MINPP1: variants seen among roughly 807,000 people sequenced by gnomAD.
MINPP1 encodes the protein multiple inositol polyphosphate phosphatase 1.
In MINPP1, 28 loss-of-function variants were observed where a neutral mutation model predicts 46.1. The ratio of observed to expected loss-of-function variants is 0.61; its 90% CI spans 0.45 to 0.83. MINPP1 has a LOEUF of 0.83. Ranked by LOEUF, MINPP1 falls within the 40% of genes least tolerant of loss-of-function variation. The pLI is 0.00. For synonymous variants in MINPP1, 268 were observed against 249.1 expected, an observed-to-expected ratio of 1.08 and a Z score of -0.72; for missense variants, 603 against 610.0, an observed-to-expected ratio of 0.99 and a Z score of 0.12.
intron 4 of MINPP1, among the ~76,000 whole-genome samples, chr10:87,549,158 G>A (rs977991205): frequency 6.6e-6 from 1 of 152,116 alleles, no homozygotes; most frequent in Non-Finnish European, 1.5e-5. Flanking sequence ...AGTAAAAAAA[G>A]GGGGGAAGGT....
intron 3 of MINPP1, among the ~76,000 whole-genome samples, chr10:87,517,213 C>T (rs1851423942): frequency 6.6e-6 from 1 of 152,078 alleles, no homozygotes; most frequent in South Asian, 2.1e-4. Context: ...ACTTAGAAGG[C>T]AGGGATTTGA....
In MINPP1 at chr10:87,534,573, G is replaced by C. The variant is rs547082089; in HGVS notation, c.1067+13404G>C. On this transcript the variant is annotated intron_variant, in intron 4 of 4. Coordinates refer to ENST00000371996, the MANE Select transcript of MINPP1 (RefSeq NM_004897.5). ...AACTATTCTTGTTGAATTGTATCCAGTTTTGTAAGAATCACTCTTAAATCT... is the reference window on the plus strand; with the variant it reads ...AACTATTCTTGTTGAATTGTATCCACTTTTGTAAGAATCACTCTTAAATCT... 9.9e-5 allele frequency among the ~76,000 whole-genome samples: 15 copies of C among 152,104 alleles called. No individual in the cohort carries two copies. The South Asian group carries it at 3.1e-3, about 32-fold the overall frequency.
At chr10:87,541,284 G>T (rs1468014294) in intron 4 of MINPP1, among the ~76,000 whole-genome samples, 1 of 152,230 alleles carries the variant, frequency 6.6e-6, no homozygotes, top group East Asian at 1.9e-4. Flanking sequence ...TTTGCCAGTT[G>T]AGTTTCAAAC....
intron 4 of MINPP1, among the ~76,000 whole-genome samples, chr10:87,524,279 A>G (rs575828346): frequency 2.0e-5 from 3 of 152,174 alleles, no homozygotes; most frequent in South Asian, 2.1e-4. Flanking sequence ...CTTAAACCCC[A>G]TGAGCTAACC....
At chr10:87,522,544 TATA>T (rs1178253589) in intron 4 of MINPP1, among the ~76,000 whole-genome samples, 1 of 152,198 alleles carries the variant, frequency 6.6e-6, no homozygotes, top group East Asian at 1.9e-4. Context: ...ATGTTTATAC[TATA>T]ATAAGTGTGC....
At chr10:87,513,987 G>A (rs1057237391) in intron 3 of MINPP1, among the ~76,000 whole-genome samples, 2 of 151,984 alleles carry the variant, frequency 1.3e-5, no homozygotes, top group African/African-American at 4.8e-5. Flanking sequence ...CTTCTGACGG[G>A]TACATCTCCA....
chr10:87,548,358 GTGCCTGGCACTTGGCA>G (rs1851917813), intron 4 of MINPP1, among the ~76,000 whole-genome samples: 1 of 151,994 alleles, frequency 6.6e-6, no homozygotes, highest in Admixed American at 6.6e-5. Flanking sequence ...AACTAGCATG[GTGCCTGGCACTTGGCA>G]TGAAATGACA....
intron 4 of MINPP1, among the ~76,000 whole-genome samples, chr10:87,551,169 A>C (rs957982422): frequency 6.6e-6 from 1 of 151,916 alleles, no homozygotes; most frequent in East Asian, 1.9e-4. Flanking sequence ...TGGATTTGCT[A>C]TCTGCTTGCT....
chr10:87,518,435 T>C (rs938967030), intron 3 of MINPP1, among the ~76,000 whole-genome samples: 2 of 152,174 alleles, frequency 1.3e-5, no homozygotes, highest in African/African-American at 4.8e-5. Flanking sequence ...AACTTCTTGA[T>C]TTCATTGCCT....
At position 87,504,927 on chromosome 10, in the gene MINPP1, G is replaced by A. The variant is rs1359317923; in HGVS notation, c.12G>A (p.Ala4=). ...TGACCGTCCCGACGATGCTACGCGC[G>A]CCCGGCTGCCTCCTCCGGACCTCCG... MLR[A]PGCLLRTSVA... The change falls in exon 1 of 5, where the codon GCG becomes GCA. Residue 4 remains alanine (A), a synonymous_variant. Transcript: ENST00000371996. The A allele has an allele frequency of 6.2e-7, 1 of 1,610,566 alleles. No homozygotes were observed. The highest frequency in any genetic ancestry group is 1.3e-5 in the African/African-American group (1 of 75,016).
intron 4 of MINPP1, among the ~76,000 whole-genome samples, chr10:87,550,098 A>G (rs1851941980): frequency 6.6e-6 from 1 of 152,172 alleles, no homozygotes; most frequent in African/African-American, 2.4e-5. Flanking sequence ...TGTTTAGCTG[A>G]TTATGGTCTT....
chr10:87,537,766 T>C (rs1213372234), intron 4 of MINPP1, among the ~76,000 whole-genome samples: 1 of 151,870 alleles, frequency 6.6e-6, no homozygotes, highest in Admixed American at 6.6e-5. Flanking sequence ...TGTGTTAGCT[T>C]TGGGAATTTT....
Position 87,505,012 on chromosome 10 carries a change from C to G in MINPP1, c.97C>G (p.Leu33Val). 1.2e-6 allele frequency: 2 copies of G among 1,613,016 alleles called. No homozygotes were observed. Among genetic ancestry groups the G allele is most frequent in the Non-Finnish European group, 1.7e-6 (2 of 1,179,868 alleles). Residue 33 changes from leucine (L) to valine (V), a missense_variant, in exon 1 of 5, where the codon CTA (leucine) becomes GTA (valine). Leu to Val is a conservative substitution (Grantham distance 32, BLOSUM62 1). Transcript: ENST00000371996. This position sits in a 1 kb window ranked among gnomAD's most constrained non-coding sequence, Gnocchi z 4.4. ...CTCGTCGCTTGCGCGCTGCTCTCTT[C>G]TAGAGCCGAGGGACCCGGTGGCCTC... ...LLSSLARCSL[L>V]EPRDPVASSL...
chr10:87,505,123 G>A lies in MINPP1; in HGVS notation c.208G>A (p.Asp70Asn), dbSNP rs376159805. 4.2e-5 allele frequency: 68 copies of A among 1,612,626 alleles called. No homozygotes were observed. The highest frequency in any genetic ancestry group is 1.2e-4 in the South Asian group (11 of 90,890). ...GTCGGGCCCCGAGGCTCCGTGGCGG[G>A]ACCCTGAGCTGCTGGAGGGGACCTG... is the stretch of plus-strand genomic sequence containing the variant. Reference protein sequence around the residue: ...LLSGPEAPWRDPELLEGTCTP... With the variant: ...LLSGPEAPWRNPELLEGTCTP... Residue 70 changes from aspartate (D) to asparagine (N), a missense_variant, in exon 1 of 5, where the codon GAC becomes AAC. By Grantham distance (23) the Asp-to-Asn change is conservative (BLOSUM62 1). Coordinates refer to ENST00000371996, the MANE Select transcript of MINPP1 (RefSeq NM_004897.5). This position sits in a 1 kb window ranked among gnomAD's most constrained non-coding sequence, Gnocchi z 4.4.
At chr10:87,508,625 G>T (rs905651989) in intron 2 of MINPP1, 92 bp downstream of exon 2, 7 of 1,251,968 alleles carry the variant, frequency 5.6e-6, no homozygotes, top group Non-Finnish European at 6.9e-6. Context: ...CTTTTTTAAA[G>T]ACCCATAATT....
chr10:87,519,965 A>G (rs1488410466), intron 3 of MINPP1, among the ~76,000 whole-genome samples: 1 of 152,142 alleles, frequency 6.6e-6, no homozygotes, highest in Non-Finnish European at 1.5e-5. Flanking sequence ...ACCTTTCAGC[A>G]GAGGTTAATA....
At chr10:87,531,986 T>C (rs74330009) in intron 4 of MINPP1, among the ~76,000 whole-genome samples, 2,439 of 152,316 alleles carry the variant, frequency 0.016, 70 homozygotes, top group African/African-American at 0.055. Context: ...ATAATACTTA[T>C]TAAAGCACTT....
intron 4 of MINPP1, among the ~76,000 whole-genome samples, chr10:87,549,485 G>C (rs1361384164): frequency 6.6e-6 from 1 of 152,172 alleles, no homozygotes; most frequent in Non-Finnish European, 1.5e-5. Flanking sequence ...GTGATTGTTT[G>C]GTGCTTAAAA....
chr10:87,525,826 A>G (rs1851568912), intron 4 of MINPP1, among the ~76,000 whole-genome samples: 1 of 152,108 alleles, frequency 6.6e-6, no homozygotes, highest in South Asian at 2.1e-4. Flanking sequence ...TGTCCTTGCG[A>G]TAGTTTGCTC....
Sources: allele counts gnomAD v4.1 joint callset (sites outside exome capture counted in the v4.1 genomes callset), GRCh38; gene constraint gnomAD v4.1.1; non-coding constraint Gnocchi (gnomAD v3.1); transcripts MANE v1.5; gene names NCBI Gene and HGNC (gene_info 2026-07-23, HGNC 2026-07-21).